Variants in CLSTN2 observed in about 807,000 individuals in gnomAD.
The protein encoded by CLSTN2 is calsyntenin 2, also known as calsyntenin-2.
In CLSTN2, 48 loss-of-function variants were observed where a neutral mutation model predicts 101.2. The ratio of observed to expected loss-of-function variants is 0.47; its 90% CI spans 0.38 to 0.60. CLSTN2 has a LOEUF of 0.60. CLSTN2 is among the 20% of genes least tolerant of loss of function. The pLI, the probability that CLSTN2 is intolerant of heterozygous loss-of-function variation, is 0.00. For missense variants in CLSTN2, 1,160 were observed against 1,238.2 expected, an observed-to-expected ratio of 0.94 and a Z score of 0.95; for synonymous variants, 481 against 463.6, an observed-to-expected ratio of 1.04 and a Z score of -0.48.
chr3:140,496,976 G>C (rs563713005), intron 8 of CLSTN2, among the ~76,000 whole-genome samples: 1 of 151,918 alleles, frequency 6.6e-6, no homozygotes, highest in African/African-American at 2.4e-5. Context: ...TGGCATGCAC[G>C]TGTAATCCCA....
chr3:140,102,275 C>T (rs947061561), intron 1 of CLSTN2, among the ~76,000 whole-genome samples: 1 of 152,176 alleles, frequency 6.6e-6, no homozygotes, highest in Non-Finnish European at 1.5e-5. Flanking sequence ...GAGTTGACAT[C>T]CCCAAAGAGA....
chr3:140,389,310 C>T (rs2088086768), intron 2 of CLSTN2, among the ~76,000 whole-genome samples: 1 of 152,136 alleles, frequency 6.6e-6, no homozygotes, highest in Non-Finnish European at 1.5e-5. Flanking sequence ...CCTGACAGGC[C>T]CCAGTGTGTG....
chr3:140,398,434 C>G (rs1412046437), intron 2 of CLSTN2, among the ~76,000 whole-genome samples: 1 of 152,194 alleles, frequency 6.6e-6, no homozygotes, highest in South Asian at 2.1e-4. Flanking sequence ...TTTTACTCCC[C>G]ATTGCTTTTA....
chr3:140,551,603 T>G (rs1362633253), intron 10 of CLSTN2, among the ~76,000 whole-genome samples: 1 of 152,160 alleles, frequency 6.6e-6, no homozygotes, highest in East Asian at 1.9e-4. Context: ...GCCAGAGACG[T>G]AGGCAGGGGC....
chr3:140,333,835 G>A (rs759945077), intron 2 of CLSTN2, among the ~76,000 whole-genome samples: 1 of 152,132 alleles, frequency 6.6e-6, no homozygotes, highest in Non-Finnish European at 1.5e-5. Flanking sequence ...ATAGAAAGTT[G>A]TTAGGGGTGA....
At chr3:140,280,627 T>C (rs950320568) in intron 2 of CLSTN2, among the ~76,000 whole-genome samples, 2 of 152,228 alleles carry the variant, frequency 1.3e-5, no homozygotes, top group African/African-American at 4.8e-5. Context: ...CTTGAATTTC[T>C]GCTTAGTTGC....
chr3:140,252,721 A>G lies in CLSTN2; in HGVS notation c.232+76648A>G, dbSNP rs140665869. ...GAGGATCATAGGAAAAAGGAGCACA[A>G]CCCTGTAAGGGCAGGTGCCTAAGGT... On this transcript the variant is annotated intron_variant, in intron 2 of 16. Coordinates refer to ENST00000458420, the MANE Select transcript of CLSTN2 (RefSeq NM_022131.3). Among the ~76,000 whole-genome samples, 14 of 152,304 alleles carry G rather than the reference A, an allele frequency of 9.2e-5. No homozygotes were observed. The East Asian group carries it at 2.3e-3, about 25-fold the overall frequency.
intron 2 of CLSTN2, among the ~76,000 whole-genome samples, chr3:140,264,229 T>A (rs1034351606): frequency 3.3e-5 from 5 of 151,586 alleles, no homozygotes. Flanking sequence ...TAAAATGGCC[T>A]CCCAAGCATA....
rs183477584 is a variant in CLSTN2 at position 140,339,701 on chromosome 3, A to G, written c.233-63928A>G. On this transcript the variant is annotated intron_variant, in intron 2 of 16. Coordinates refer to ENST00000458420, the MANE Select transcript of CLSTN2 (RefSeq NM_022131.3). ...ATTACATTCGCCCTGTGGTTCCCCAAGGTACACATAGAGCCACAGATACCA... is the reference window on the plus strand; with the variant it reads ...ATTACATTCGCCCTGTGGTTCCCCAGGGTACACATAGAGCCACAGATACCA... Among the ~76,000 whole-genome samples the G allele has an allele frequency of 1.6e-3, 250 of 152,322 alleles. 1 individual carries two copies. Among genetic ancestry groups the G allele is most frequent in the African/African-American group, 5.8e-3 (241 of 41,566 alleles).
In CLSTN2 at chr3:140,246,032, C is replaced by T. The variant is rs146914801; in HGVS notation, c.232+69959C>T. Among the ~76,000 whole-genome samples, 12 of 152,236 alleles carry T rather than the reference C, an allele frequency of 7.9e-5. No homozygotes were observed. In the East Asian group the frequency reaches 1.2e-3, roughly 15 times the overall value. On this transcript the variant is annotated intron_variant, in intron 2 of 16. Coordinates refer to ENST00000458420, the MANE Select transcript of CLSTN2 (RefSeq NM_022131.3). The stretch of plus-strand genomic sequence containing the variant: ...TTGCACTCAATAAACTGTGAATCTG[C>T]GACTGTAAATAAGACAACTTGTAAA...
At chr3:140,141,822 C>T (rs925292907) in intron 1 of CLSTN2, among the ~76,000 whole-genome samples, 4 of 152,188 alleles carry the variant, frequency 2.6e-5, no homozygotes, top group African/African-American at 7.2e-5. Context: ...GAGAAGCCAG[C>T]GTTTATGCTC....
At chr3:140,421,350 C>T (rs1232384986) in intron 5 of CLSTN2, 76 bp downstream of exon 5, 2 of 1,521,524 alleles carry the variant, frequency 1.3e-6, no homozygotes, top group African/African-American at 2.8e-5. Context: ...GTCCTCAAAT[C>T]ATCACAACAC....
At chr3:140,520,925 T>C (rs60162619) in intron 8 of CLSTN2, among the ~76,000 whole-genome samples, 8,148 of 152,290 alleles carry the variant, frequency 0.054, 733 homozygotes, top group African/African-American at 0.19. Context: ...GAGATTCTTT[T>C]TTCCACTTGG....
chr3:140,531,253 T>C (rs1245799217), intron 8 of CLSTN2, among the ~76,000 whole-genome samples: 1 of 152,154 alleles, frequency 6.6e-6, no homozygotes, highest in Admixed American at 6.5e-5. Flanking sequence ...CATCAGGCTT[T>C]ATCAGACTAA....
At chr3:140,135,109 CACACACACATATATAT>C (rs1215505679) in intron 1 of CLSTN2, among the ~76,000 whole-genome samples, 2 of 52,508 alleles carry the variant, frequency 3.8e-5, no homozygotes, top group African/African-American at 1.2e-4. Flanking sequence ...CACACACACA[CACACACACATATATAT>C]ATATATATAT....
chr3:140,419,639 A>G, intron 4 of CLSTN2, among the ~76,000 whole-genome samples: 1 of 61,044 alleles, frequency 1.6e-5, no homozygotes, highest in Non-Finnish European at 2.6e-5. Context: ...GTATATATAC[A>G]TATATATGTA....
intron 5 of CLSTN2, among the ~76,000 whole-genome samples, chr3:140,437,053 T>TG (rs1301297661): frequency 3.4e-5 from 5 of 149,196 alleles, no homozygotes; most frequent in Admixed American, 6.7e-5. Flanking sequence ...AGGTTTGGTT[T>TG]TTTTTTTTTT....
At chr3:140,560,454 C>G (rs575737346) in intron 12 of CLSTN2, among the ~76,000 whole-genome samples, 6 of 152,310 alleles carry the variant, frequency 3.9e-5, no homozygotes, top group African/African-American at 1.2e-4. Flanking sequence ...GGCAAATATC[C>G]CTGCCTTCAG....
In CLSTN2 at chr3:140,568,186, C is replaced by G. The variant is rs1292176159; in HGVS notation, c.*1933C>G. 1.3e-5 allele frequency: 2 copies of G among 152,232 alleles called. No homozygotes were observed. The highest frequency in any genetic ancestry group is 2.9e-5 in the Non-Finnish European group (2 of 68,044). 9.4% of individuals were successfully genotyped at this position (152,232 alleles called of 1,614,324 possible). ...ATAGGTATGCACCTAACAGACACTGCTGCAAACCTACTATGTGCTAAGCAT... is the reference window on the plus strand; with the variant it reads ...ATAGGTATGCACCTAACAGACACTGGTGCAAACCTACTATGTGCTAAGCAT... On this transcript the variant is annotated 3_prime_UTR_variant, in exon 17 of 17. Coordinates refer to ENST00000458420, the MANE Select transcript of CLSTN2 (RefSeq NM_022131.3).
Sources: allele counts gnomAD v4.1 joint callset (sites outside exome capture counted in the v4.1 genomes callset), GRCh38; gene constraint gnomAD v4.1.1; transcripts MANE v1.5; gene names NCBI Gene and HGNC (gene_info 2026-07-23, HGNC 2026-07-21).